The following ZDHHC21 variants were observed in gnomAD, a reference collection of about 807,000 sequenced individuals.
The protein encoded by ZDHHC21 is palmitoyltransferase ZDHHC21.
Under a neutral mutation model 34.6 loss-of-function variants are expected in ZDHHC21, and 15 were observed. The ratio of observed to expected loss-of-function variants is 0.43; its 90% confidence interval spans 0.29 to 0.67. The LOEUF is 0.67. ZDHHC21 is among the 30% of genes least tolerant of loss of function. ZDHHC21 has a pLI of 0.14. For missense variants in ZDHHC21, 344 were observed against 327.7 expected, an observed-to-expected ratio of 1.05 and a Z score of -0.38; for synonymous variants, 142 against 101.8, an observed-to-expected ratio of 1.40 and a Z score of -2.38.
chr9:14,615,151 T>C lies in ZDHHC21; in HGVS notation c.*3815A>G, dbSNP rs1823950334. On this transcript the variant is annotated 3_prime_UTR_variant, in exon 10 of 10. Transcript: ENST00000380916. ...CACACAGAAAATTGTGTAGCTATAATCTAAATCAGTTCACACTTCCTGGTT... is the reference window on the plus strand; with the variant it reads ...CACACAGAAAATTGTGTAGCTATAACCTAAATCAGTTCACACTTCCTGGTT... 6.6e-6 allele frequency: 1 copy of C among 151,764 alleles called. No individual in the cohort carries two copies. The highest frequency in any genetic ancestry group is 1.5e-5 in the Non-Finnish European group (1 of 67,720). The allele number at this position is 151,764 out of a possible 1,614,324, so 9.4% of individuals were successfully genotyped here.
At chr9:14,600,789 G>A in the ZDHHC21 span, among the ~76,000 whole-genome samples, 16,231 of 152,176 alleles carry the variant, frequency 0.11, 1,222 homozygotes, top group East Asian at 0.3. Context: ...CATGGTACTG[G>A]TATGAAAACA....
At chr9:14,673,067 T>C in intron 4 of ZDHHC21, 139 bp from the exon 5 acceptor site, 1 of 498,246 alleles carries the variant, frequency 2.0e-6, no homozygotes, top group Non-Finnish European at 3.5e-6. Context: ...AAATAAATAA[T>C]TGATTTCACT....
intron 3 of ZDHHC21, among the ~76,000 whole-genome samples, chr9:14,679,733 T>C (rs185552415): frequency 6.6e-6 from 1 of 152,252 alleles, no homozygotes; most frequent in East Asian, 1.9e-4. Context: ...TAGTAAATGC[T>C]TTTAAAATTA....
At chr9:14,597,978 C>T in the ZDHHC21 span, among the ~76,000 whole-genome samples, 10 of 152,168 alleles carry the variant, frequency 6.6e-5, no homozygotes, top group East Asian at 1.9e-4. Context: ...TCACTGCCAC[C>T]GCAACTGGTG....
At position 14,616,874 on chromosome 9, in the gene ZDHHC21, A is replaced by T. The variant is rs1824295468; in HGVS notation, c.*2092T>A. ...ATCAGGACCAGGAAAGGTAAAGAGGAAGAGGGAAAAGAATATGCCCTAGAT... is the reference window on the plus strand; with the variant it reads ...ATCAGGACCAGGAAAGGTAAAGAGGTAGAGGGAAAAGAATATGCCCTAGAT... On this transcript the variant is annotated 3_prime_UTR_variant, in exon 10 of 10. Coordinates refer to ENST00000380916, the MANE Select transcript of ZDHHC21 (RefSeq NM_178566.6). 6.6e-6 allele frequency: 1 copy of T among 151,902 alleles called. No individual in the cohort carries two copies. Among genetic ancestry groups the T allele is most frequent in the South Asian group, 2.1e-4 (1 of 4,828 alleles). The allele number at this position is 151,902 out of a possible 1,614,324, so 9.4% of individuals were successfully genotyped here. A position where few individuals can be genotyped will look rare whatever the true frequency, so the allele number is the denominator to read the frequency against.
At chr9:14,638,829 G>C (rs1213374406) in intron 8 of ZDHHC21, among the ~76,000 whole-genome samples, 1 of 151,966 alleles carries the variant, frequency 6.6e-6, no homozygotes, top group Non-Finnish European at 1.5e-5. Flanking sequence ...TCTTAGAACG[G>C]CTTTTATTAA....
downstream of ZDHHC21, among the ~76,000 whole-genome samples, chr9:14,609,440 G>A (rs1453565505): frequency 3.9e-5 from 6 of 152,046 alleles, no homozygotes; most frequent in Non-Finnish European, 5.9e-5. Flanking sequence ...AAAAATAAGT[G>A]AAGGTAACCT....
At position 14,611,829 on chromosome 9, in the gene ZDHHC21, A is replaced by C. The variant is rs1453443595; in HGVS notation, c.*7137T>G. 6.6e-6 allele frequency: 1 copy of C among 152,056 alleles called. No individual in the cohort carries two copies. Among genetic ancestry groups the C allele is most frequent in the Non-Finnish European group, 1.5e-5 (1 of 67,956 alleles). The allele number at this position is 152,056 out of a possible 1,614,324, so 9.4% of individuals were successfully genotyped here. A position where few individuals can be genotyped will look rare whatever the true frequency, so the allele number is the denominator to read the frequency against. On this transcript the variant is annotated 3_prime_UTR_variant, in exon 10 of 10. Transcript: ENST00000380916. Reference sequence around the variant, plus strand: ...AGACTCACAATTCACTTGTCGGAATATCTCTGATTCTGGTGGAAGTTTTTA... The same window carrying C: ...AGACTCACAATTCACTTGTCGGAATCTCTCTGATTCTGGTGGAAGTTTTTA...
intron 2 of ZDHHC21, among the ~76,000 whole-genome samples, chr9:14,681,464 T>C (rs542412164): frequency 3.9e-5 from 6 of 152,266 alleles, no homozygotes; most frequent in African/African-American, 1.2e-4. Context: ...GATCCTCAGA[T>C]TGAAAATCAC....
intron 2 of ZDHHC21, among the ~76,000 whole-genome samples, chr9:14,683,252 G>GTTTTTTA (rs1013922220): frequency 2.0e-5 from 3 of 152,036 alleles, no homozygotes; most frequent in Non-Finnish European, 4.4e-5. Flanking sequence ...CCAGGAGCTG[G>GTTTTTTA]TTTTTTATTT....
chr9:14,622,755 T>A (rs1275739741), intron 8 of ZDHHC21: 5 of 984,894 alleles, frequency 5.1e-6, no homozygotes, highest in Non-Finnish European at 3.6e-6. Context: ...AGTCTGGAAG[T>A]AAGAGCCATT....
chr9:14,608,660 A>ATT (rs374897042), downstream of ZDHHC21, among the ~76,000 whole-genome samples: 44 of 147,442 alleles, frequency 3.0e-4, no homozygotes, highest in African/African-American at 1.1e-3. Flanking sequence ...GCTTAGATGT[A>ATT]TTTTTTTTTT....
At chr9:14,673,793 C>T (rs554820014) in intron 4 of ZDHHC21, among the ~76,000 whole-genome samples, 23 of 152,110 alleles carry the variant, frequency 1.5e-4, no homozygotes, top group Non-Finnish European at 2.2e-4. Flanking sequence ...TAATCAACTT[C>T]GTAATCAATA....
chr9:14,659,444 C>T (rs1187501301), intron 6 of ZDHHC21, among the ~76,000 whole-genome samples: 1 of 152,162 alleles, frequency 6.6e-6, no homozygotes, highest in Admixed American at 6.5e-5. Context: ...ATACACACAG[C>T]TATACTTCCA....
intron 7 of ZDHHC21, among the ~76,000 whole-genome samples, chr9:14,649,682 T>A (rs1229800924): frequency 6.6e-6 from 1 of 152,096 alleles, no homozygotes; most frequent in East Asian, 1.9e-4. Flanking sequence ...TGTTCAGAAT[T>A]ATCTACTAAA....
chr9:14,603,592 G>A, the ZDHHC21 span, among the ~76,000 whole-genome samples: 2 of 152,000 alleles, frequency 1.3e-5, no homozygotes, highest in African/African-American at 4.8e-5. Context: ...TTACATAAAC[G>A]CAACCAAAGC....
chr9:14,630,812 C>T lies in ZDHHC21; in HGVS notation c.621+9084G>A, dbSNP rs116915696. ...GCATTGTCAATGAGCAGTAATATTA[C>T]GAAAGGAACTTTTTTTCCTGAGCAG... On this transcript the variant is annotated intron_variant, in intron 8 of 9. Transcript: ENST00000380916. 4.9e-3 allele frequency among the ~76,000 whole-genome samples: 745 copies of T among 152,264 alleles called. 13 individuals are homozygous for T. In the East Asian group the frequency reaches 0.075, roughly 15 times the overall value.
intron 3 of ZDHHC21, among the ~76,000 whole-genome samples, chr9:14,674,952 T>A (rs1836109738): frequency 6.6e-6 from 1 of 152,046 alleles, no homozygotes; most frequent in South Asian, 2.1e-4. Context: ...CACTGAGCTG[T>A]ATACTTCAGA....
At chr9:14,633,126 T>G (rs1827644552) in intron 8 of ZDHHC21, among the ~76,000 whole-genome samples, 1 of 152,140 alleles carries the variant, frequency 6.6e-6, no homozygotes, top group African/African-American at 2.4e-5. Context: ...GATAGCTGAC[T>G]AGAAACAACT....
Sources: allele counts gnomAD v4.1 joint callset (sites outside exome capture counted in the v4.1 genomes callset), GRCh38; gene constraint gnomAD v4.1.1; transcripts MANE v1.5; gene names NCBI Gene and HGNC (gene_info 2026-07-23, HGNC 2026-07-21).